Variants in SLC25A21 observed in about 807,000 individuals in gnomAD.
SLC25A21 encodes the protein mitochondrial 2-oxodicarboxylate carrier.
A neutral mutation model predicts 43.8 loss-of-function variants in SLC25A21; 47 were observed. The ratio of observed to expected loss-of-function variants is 1.07; its 90% confidence interval spans 0.85 to 1.37. The LOEUF (loss-of-function observed/expected upper bound fraction) is 1.37. Ranked by LOEUF, SLC25A21 falls within the 40% of genes most tolerant of loss-of-function variation. The probability of loss-of-function intolerance (pLI) is 0.00; values close to 1 mark genes in which losing one functional copy is unlikely to be tolerated. For synonymous variants in SLC25A21, 131 were observed against 121.3 expected (o/e 1.08, Z -0.52); for missense variants, 352 against 350.2 (o/e 1.00, Z -0.04).
At chr14:37,130,620 A>C (rs2019233006) in intron 1 of SLC25A21, among the ~76,000 whole-genome samples, 1 of 152,240 alleles carries the variant, frequency 6.6e-6, no homozygotes, top group African/African-American at 2.4e-5. Context: ...AATGGAAATT[A>C]TTTCTTAAAT....
At chr14:36,856,991 C>G (rs984862486) in intron 2 of SLC25A21, among the ~76,000 whole-genome samples, 1 of 152,234 alleles carries the variant, frequency 6.6e-6, no homozygotes, top group African/African-American at 2.4e-5. Flanking sequence ...TGCTTGGCAT[C>G]TTTTTCTGCA....
At chr14:37,122,644 A>AT (rs1963229477) in intron 1 of SLC25A21, among the ~76,000 whole-genome samples, 2 of 151,530 alleles carry the variant, frequency 1.3e-5, no homozygotes, top group African/African-American at 2.4e-5. Flanking sequence ...ATATAGTATG[A>AT]GTACAACATT....
intron 1 of SLC25A21, among the ~76,000 whole-genome samples, chr14:36,906,413 G>C (rs1891534891): frequency 6.6e-6 from 1 of 152,068 alleles, no homozygotes; most frequent in Non-Finnish European, 1.5e-5. Flanking sequence ...CAGCAAAGTA[G>C]CACAGTGCCT....
chr14:37,122,228 C>T (rs1312258290), intron 1 of SLC25A21, among the ~76,000 whole-genome samples: 3 of 152,152 alleles, frequency 2.0e-5, no homozygotes, highest in African/African-American at 2.4e-5. Flanking sequence ...AACTCTTTAA[C>T]GTTTTTCAGT....
intron 3 of SLC25A21, among the ~76,000 whole-genome samples, chr14:36,757,078 A>G (rs1594558135): frequency 9.0e-6 from 1 of 111,332 alleles, no homozygotes. Context: ...ATATGGCAAA[A>G]CCCCATCTTT....
chr14:37,140,737 T>C lies in SLC25A21; in HGVS notation c.70+31544A>G, dbSNP rs186810860. 1.8e-3 allele frequency among the ~76,000 whole-genome samples: 281 copies of C among 152,344 alleles called. 1 individual carries two copies. The highest frequency in any genetic ancestry group is 6.7e-3 in the African/African-American group (278 of 41,570). ...ATTGAAATAACATGCTTCCAAAATA[T>C]GTGGTATGTTGAAACAGAGAAATTC... On this transcript the variant is annotated intron_variant, in intron 1 of 9. Transcript: ENST00000331299.
At chr14:36,922,637 C>T (rs1469436069) in intron 1 of SLC25A21, among the ~76,000 whole-genome samples, 1 of 151,868 alleles carries the variant, frequency 6.6e-6, no homozygotes, top group African/African-American at 2.4e-5. Context: ...AAAATATCCT[C>T]AGAGCTCACT....
chr14:36,753,951 G>GAGAGAGAGAGAA (rs1566575687), intron 3 of SLC25A21, among the ~76,000 whole-genome samples: 4 of 146,734 alleles, frequency 2.7e-5, no homozygotes, highest in African/African-American at 5.4e-5. Context: ...GAGAGAGAGA[G>GAGAGAGAGAGAA]AGAGAGAGAA....
intron 1 of SLC25A21, among the ~76,000 whole-genome samples, chr14:36,889,988 T>C (rs1254656515): frequency 6.6e-6 from 1 of 152,224 alleles, no homozygotes; most frequent in African/African-American, 2.4e-5. Flanking sequence ...ACAGTTTTCA[T>C]TCAACACATA....
chr14:37,068,990 C>T (rs1172958547), intron 1 of SLC25A21, among the ~76,000 whole-genome samples: 9 of 150,972 alleles, frequency 6.0e-5, no homozygotes, highest in East Asian at 1.9e-4. Context: ...CTGGCTAACA[C>T]GGTGAAACCC....
At chr14:36,964,027 A>G (rs892505246) in intron 1 of SLC25A21, among the ~76,000 whole-genome samples, 4 of 152,216 alleles carry the variant, frequency 2.6e-5, no homozygotes, top group African/African-American at 7.2e-5. Flanking sequence ...ATGCACATAT[A>G]TAATTTCCCA....
chr14:36,699,807 G>C lies in SLC25A21; in HGVS notation c.603+11511C>G, dbSNP rs940521164. ...GCAGGTTGCTAAGACCTTGGGAAAA[G>C]TGCAGTATTTGGGCGGGAGTGCCCC... is the stretch of plus-strand genomic sequence containing the variant. On this transcript the variant is annotated intron_variant, in intron 7 of 9. Transcript: ENST00000331299. Among the ~76,000 whole-genome samples, 13 of 152,188 alleles carry C rather than the reference G, an allele frequency of 8.5e-5. No individual in the cohort carries two copies. The East Asian group carries it at 2.3e-3, about 27-fold the overall frequency.
rs540491034 is a variant in SLC25A21, at chr14:37,110,994, T to C, written c.70+61287A>G. Among the ~76,000 whole-genome samples the C allele has an allele frequency of 2.0e-5, 3 of 152,178 alleles. No homozygotes were observed. The South Asian group carries it at 6.2e-4, about 32-fold the overall frequency. On this transcript the variant is annotated intron_variant, in intron 1 of 9. Transcript: ENST00000331299. ...AGATATCATAATGCTATTGAGCAAG[T>C]TAATGCAAAATACAGTGGAATAATA...
intron 1 of SLC25A21, 99 bp from the exon 2 acceptor site, chr14:36,875,103 G>T: frequency 4.4e-6 from 4 of 907,584 alleles, no homozygotes; most frequent in Non-Finnish European, 5.1e-6. Flanking sequence ...TTCAGATAAA[G>T]AACTTGGGAC....
intron 1 of SLC25A21, among the ~76,000 whole-genome samples, chr14:37,128,319 A>G (rs755810356): frequency 7.2e-5 from 11 of 152,210 alleles, no homozygotes; most frequent in Non-Finnish European, 1.0e-4. Context: ...TCTAGCCTCC[A>G]GAGCTGTAAG....
intron 1 of SLC25A21, among the ~76,000 whole-genome samples, chr14:37,169,948 T>A: frequency 1.3e-5 from 2 of 152,310 alleles, no homozygotes; most frequent in South Asian, 4.1e-4. Context: ...TTTATATTAG[T>A]TACATTTATA....
At chr14:36,788,040 C>A (rs1438653750) in intron 3 of SLC25A21, among the ~76,000 whole-genome samples, 1 of 152,108 alleles carries the variant, frequency 6.6e-6, no homozygotes, top group Non-Finnish European at 1.5e-5. Flanking sequence ...CCGTACTTTG[C>A]AAGGAAAAGG....
At position 36,679,598 on chromosome 14, in the gene SLC25A21, G is replaced by C; in HGVS notation, c.*1060C>G. 2.0e-6 allele frequency: 2 copies of C among 985,332 alleles called. No homozygotes were observed. Among genetic ancestry groups the C allele is most frequent in the South Asian group, 9.4e-5 (2 of 21,278 alleles). 61.0% of individuals were successfully genotyped at this position (985,332 alleles called of 1,614,324 possible). ...GTATAGTAATCCTTAGAAATGCTAA[G>C]TGTATTTCTTTTTCAGAACATTTCC... is the stretch of plus-strand genomic sequence containing the variant. On this transcript the variant is annotated 3_prime_UTR_variant, in exon 10 of 10. Transcript: ENST00000331299.
chr14:36,777,923 C>T (rs1020085655), intron 3 of SLC25A21, among the ~76,000 whole-genome samples: 2 of 152,160 alleles, frequency 1.3e-5, no homozygotes, highest in African/African-American at 4.8e-5. Flanking sequence ...TACTGTCTCC[C>T]AACCTAGCTA....
Sources: allele counts gnomAD v4.1 joint callset (sites outside exome capture counted in the v4.1 genomes callset), GRCh38; gene constraint gnomAD v4.1.1; transcripts MANE v1.5; gene names NCBI Gene and HGNC (gene_info 2026-07-23, HGNC 2026-07-21).